PCSK5: variants seen among roughly 807,000 people sequenced by gnomAD.
PCSK5 encodes the protein proprotein convertase subtilisin/kexin type 5, also known as prohormone convertase 5.
In PCSK5, 129 loss-of-function variants were observed where a neutral mutation model predicts 233.2. That is an observed-to-expected ratio of 0.55 (90% CI 0.48 to 0.64). The LOEUF is 0.64. Among genes scored for constraint, PCSK5 ranks in the 30% least tolerant of loss-of-function variants. The probability of loss-of-function intolerance (pLI) is 0.00; values close to 1 mark genes in which losing one functional copy is unlikely to be tolerated. For missense variants in PCSK5, 2,076 were observed against 2,430.1 expected, an observed-to-expected ratio of 0.85 and a Z score of 3.06; for synonymous variants, 825 against 879.2, an observed-to-expected ratio of 0.94 and a Z score of 1.09.
intron 3 of PCSK5, among the ~76,000 whole-genome samples, chr9:75,988,549 T>C (rs1213393299): frequency 6.6e-6 from 1 of 152,140 alleles, no homozygotes; most frequent in Non-Finnish European, 1.5e-5. Flanking sequence ...CCTAAATAGC[T>C]GGGACCACAG....
rs1014239 is a variant in PCSK5 at position 76,133,774 on chromosome 9, C to A, written c.1209-335C>A. 2.7e-3 allele frequency among the ~76,000 whole-genome samples: 408 copies of A among 152,080 alleles called. 4 individuals carry two copies. Among genetic ancestry groups the A allele is most frequent in the African/African-American group, 8.7e-3 (360 of 41,512 alleles). On this transcript the variant is annotated intron_variant, in intron 9 of 37. Transcript: ENST00000674117. ...CGTAATCTGATGATGATGATCCAAG[C>A]TTTTATACAAAGGATGACAGCACCA...
intron 11 of PCSK5, among the ~76,000 whole-genome samples, chr9:76,157,724 A>T (rs1165840580): frequency 6.6e-6 from 1 of 152,174 alleles, no homozygotes; most frequent in African/African-American, 2.4e-5. Context: ...ACTTTGGTTG[A>T]TGATGAAACT....
rs983949363 is a variant in PCSK5 at position 76,110,071 on chromosome 9, A to C, written c.1208+2720A>C. 1.3e-4 allele frequency among the ~76,000 whole-genome samples: 20 copies of C among 152,144 alleles called. 1 individual carries two copies. Among genetic ancestry groups the C allele is most frequent in the African/African-American group, 4.3e-4 (18 of 41,422 alleles). Reference sequence around the variant, plus strand: ...TCCTCTTACACTATTGCTTCTCAACAGCCCTTGAACCTTGGTATTTTGAGA... The same window carrying C: ...TCCTCTTACACTATTGCTTCTCAACCGCCCTTGAACCTTGGTATTTTGAGA... On this transcript the variant is annotated intron_variant, in intron 9 of 37. Transcript: ENST00000674117.
In PCSK5 at chr9:76,217,951, T is replaced by C. The variant is rs1038799227; in HGVS notation, c.2627-9552T>C. 5.9e-5 allele frequency among the ~76,000 whole-genome samples: 9 copies of C among 152,114 alleles called. No individual in the cohort carries two copies. In the East Asian group the frequency reaches 1.5e-3, roughly 26 times the overall value. Reference sequence around the variant, plus strand: ...TGCCCTCACTTTCATTCTCATCTGTTTATGTGCTCCACCTCAATGAGGTGG... The same window carrying C: ...TGCCCTCACTTTCATTCTCATCTGTCTATGTGCTCCACCTCAATGAGGTGG... On this transcript the variant is annotated intron_variant, in intron 20 of 37. Transcript: ENST00000674117.
chr9:76,319,123 G>A (rs1490115832), intron 30 of PCSK5, among the ~76,000 whole-genome samples: 1 of 152,100 alleles, frequency 6.6e-6, no homozygotes, highest in Non-Finnish European at 1.5e-5. Flanking sequence ...GCACAGCTTA[G>A]TTTTATACTT....
chr9:75,982,233 A>T (rs983022153), intron 2 of PCSK5, among the ~76,000 whole-genome samples: 1 of 152,218 alleles, frequency 6.6e-6, no homozygotes, highest in Admixed American at 6.5e-5. Flanking sequence ...ATTAATCTCT[A>T]TTGATATATA....
intron 25 of PCSK5, among the ~76,000 whole-genome samples, chr9:76,294,911 G>T (rs1828389453): frequency 6.6e-6 from 1 of 152,134 alleles, no homozygotes; most frequent in African/African-American, 2.4e-5. Flanking sequence ...CCAACACTTT[G>T]GGAGGCAGAG....
intron 14 of PCSK5, among the ~76,000 whole-genome samples, chr9:76,177,010 C>T (rs1387634325): frequency 6.6e-6 from 1 of 152,192 alleles, no homozygotes; most frequent in Non-Finnish European, 1.5e-5. Flanking sequence ...TGTTTATAGG[C>T]CAGGTGCGGT....
chr9:75,914,775 GTTTC>G (rs1401583398), intron 1 of PCSK5, among the ~76,000 whole-genome samples: 2 of 152,220 alleles, frequency 1.3e-5, no homozygotes, highest in Non-Finnish European at 1.5e-5. Context: ...CAGGGCCTGT[GTTTC>G]TTTAGGAGAT....
intron 5 of PCSK5, among the ~76,000 whole-genome samples, chr9:76,033,942 C>G (rs984078019): frequency 1.3e-5 from 2 of 152,136 alleles, no homozygotes; most frequent in African/African-American, 4.8e-5. Context: ...TTTGGAGGGA[C>G]ACAAACATTC....
At chr9:76,071,689 G>T (rs1270130631) in intron 6 of PCSK5, 37 bp from the exon 7 acceptor site, 20 of 1,558,986 alleles carry the variant, frequency 1.3e-5, no homozygotes, top group Non-Finnish European at 1.5e-5. Flanking sequence ...GTGTAGGGAA[G>T]CCCTGTAATG....
intron 12 of PCSK5, among the ~76,000 whole-genome samples, chr9:76,162,082 A>C (rs1822886362): frequency 6.6e-6 from 1 of 152,150 alleles, no homozygotes; most frequent in Non-Finnish European, 1.5e-5. Context: ...ACCCCAAGAG[A>C]TGTAAAGGAT....
At chr9:76,253,761 G>A in intron 24 of PCSK5, among the ~76,000 whole-genome samples, 1 of 152,360 alleles carries the variant, frequency 6.6e-6, no homozygotes, top group East Asian at 1.9e-4. Flanking sequence ...GAGGGTTAGA[G>A]AAATGTTGAA....
At chr9:76,064,452 G>C (rs538982255) in intron 5 of PCSK5, among the ~76,000 whole-genome samples, 14 of 138,074 alleles carry the variant, frequency 1.0e-4, no homozygotes, top group African/African-American at 3.1e-4. Flanking sequence ...CTGGCCGGGC[G>C]GGGGGGCTGA....
At chr9:76,166,653 T>A (rs1371474727) in intron 12 of PCSK5, among the ~76,000 whole-genome samples, 1 of 152,238 alleles carries the variant, frequency 6.6e-6, no homozygotes, top group Non-Finnish European at 1.5e-5. Context: ...GTTTGGGAAC[T>A]GCTTTTAAGT....
chr9:76,007,963 G>A (rs182675326), intron 3 of PCSK5, among the ~76,000 whole-genome samples: 32 of 151,978 alleles, frequency 2.1e-4, no homozygotes, highest in Middle Eastern at 6.8e-3. Context: ...AGTCTTCAAC[G>A]GGTTCCCCTT....
chr9:76,152,312 C>G (rs996837753), intron 10 of PCSK5, among the ~76,000 whole-genome samples: 14 of 152,142 alleles, frequency 9.2e-5, no homozygotes, highest in African/African-American at 3.4e-4. Flanking sequence ...ATTTACTCTC[C>G]CTGGTCATAA....
chr9:75,920,277 C>G (rs1018073172), intron 1 of PCSK5, among the ~76,000 whole-genome samples: 1 of 152,128 alleles, frequency 6.6e-6, no homozygotes, highest in Non-Finnish European at 1.5e-5. Context: ...AAGCTAGTCT[C>G]TATCACATGT....
At chr9:75,963,303 A>G (rs872189) in intron 2 of PCSK5, among the ~76,000 whole-genome samples, 92,070 of 151,992 alleles carry the variant, frequency 0.61, 28,322 homozygotes, top group East Asian at 0.81. Flanking sequence ...TGTGGAAATC[A>G]CAGCTTTCCT....
Sources: gnomAD v4.1 joint callset for allele counts (sites outside exome capture counted in the v4.1 genomes callset) on GRCh38, gnomAD v4.1.1 for gene constraint, MANE v1.5 for transcripts, NCBI Gene and HGNC (gene_info 2026-07-23, HGNC 2026-07-21) for gene names.